Variants in TNKS observed in about 807,000 individuals in gnomAD.
TNKS encodes the protein tankyrase.
In TNKS, 72 loss-of-function variants were observed where a neutral mutation model predicts 135.8. That is an observed-to-expected ratio of 0.53 (90% CI 0.44 to 0.64). TNKS has a LOEUF of 0.64. Among genes scored for constraint, TNKS ranks in the 30% least tolerant of loss-of-function variants. The pLI is 0.00. For synonymous variants in TNKS, 849 were observed against 649.3 expected (o/e 1.31, Z -4.68); for missense variants, 1,769 against 1,674.0 (o/e 1.06, Z -0.99).
chr8:9,664,786 T>C (rs867059573), intron 3 of TNKS, among the ~76,000 whole-genome samples: 22 of 152,222 alleles, frequency 1.4e-4, no homozygotes, highest in South Asian at 8.3e-4. Flanking sequence ...CAACTGTTAA[T>C]AAAAGTCACA....
At chr8:9,712,574 G>T (rs950941795) in intron 11 of TNKS, among the ~76,000 whole-genome samples, 3 of 152,046 alleles carry the variant, frequency 2.0e-5, no homozygotes, top group Non-Finnish European at 2.9e-5. Context: ...ACAGTCAATG[G>T]ATATTTTCTA....
intron 3 of TNKS, among the ~76,000 whole-genome samples, chr8:9,673,891 A>G (rs964025357): frequency 7.2e-5 from 11 of 152,154 alleles, no homozygotes; most frequent in Admixed American, 5.2e-4. Flanking sequence ...AAAATGTTGT[A>G]ACAAGTCTAT....
In TNKS at chr8:9,730,878, G is replaced by A. The variant is rs1805403047; in HGVS notation, c.2002-12G>A. 1.9e-6 allele frequency: 3 copies of A among 1,609,534 alleles called. No individual in the cohort carries two copies. Among genetic ancestry groups the A allele is most frequent in the Admixed American group, 1.7e-5 (1 of 59,380 alleles). On this transcript the variant is annotated splice_polypyrimidine_tract_variant and intron_variant, in intron 13 of 26. Transcript: ENST00000310430. The stretch of plus-strand genomic sequence containing the variant: ...TCGTTTTGTGTTTGTCTTTGTGTGT[G>A]CACCACGAAAGCAACTTTGCAGCTC...
chr8:9,669,560 A>G (rs1802175003), intron 3 of TNKS, among the ~76,000 whole-genome samples: 1 of 152,224 alleles, frequency 6.6e-6, no homozygotes, highest in Non-Finnish European at 1.5e-5. Context: ...ATATCTGTAA[A>G]TGAGTGGTAA....
rs1048147825 is a variant in TNKS at position 9,748,154 on chromosome 8, A to G, written c.2774A>G (p.His925Arg). Residue 925 changes from histidine to arginine, a missense_variant, in exon 18 of 27, where the codon CAT (histidine) becomes CGT (arginine). Coordinates refer to ENST00000310430, the MANE Select transcript of TNKS (RefSeq NM_003747.3). Reference sequence around the variant, plus strand: ...CAGCTGTGCGCCCTCCTCCTAGCGCATGGTGCAGACCCCACCATGAAGAAC... The same window carrying G: ...CAGCTGTGCGCCCTCCTCCTAGCGCGTGGTGCAGACCCCACCATGAAGAAC... ...RTQLCALLLA[H>R]GADPTMKNQE... 6.2e-7 allele frequency: 1 copy of G among 1,614,126 alleles called. No homozygotes were observed. The highest frequency in any genetic ancestry group is 8.5e-7 in the Non-Finnish European group (1 of 1,180,004).
intron 3 of TNKS, among the ~76,000 whole-genome samples, chr8:9,656,422 C>G (rs1231389592): frequency 6.6e-6 from 1 of 151,998 alleles, no homozygotes; most frequent in Non-Finnish European, 1.5e-5. Flanking sequence ...AAGAGCAACT[C>G]CAAGACACCT....
chr8:9,652,962 G>C (rs1801199758), intron 3 of TNKS, among the ~76,000 whole-genome samples: 1 of 152,182 alleles, frequency 6.6e-6, no homozygotes, highest in African/African-American at 2.4e-5. Context: ...TCTAGCCCTA[G>C]AGGTTATCCT....
At chr8:9,584,100 C>G (rs1025896359) in intron 2 of TNKS, among the ~76,000 whole-genome samples, 2 of 144,190 alleles carry the variant, frequency 1.4e-5, no homozygotes, top group Non-Finnish European at 3.0e-5. Context: ...GGATGGGGAG[C>G]TTGCAGTGAG....
chr8:9,753,577 A>T (rs147548708), intron 20 of TNKS, among the ~76,000 whole-genome samples: 3 of 152,312 alleles, frequency 2.0e-5, no homozygotes, highest in Admixed American at 6.5e-5. Context: ...TGCTTTCATT[A>T]TTATGATCAG....
intron 2 of TNKS, among the ~76,000 whole-genome samples, chr8:9,610,421 A>G (rs1799415354): frequency 6.6e-6 from 1 of 151,758 alleles, no homozygotes; most frequent in African/African-American, 2.4e-5. Context: ...CCATTTTAAT[A>G]TACATGTTTG....
chr8:9,698,774 T>G (rs1803652086), intron 5 of TNKS, among the ~76,000 whole-genome samples: 1 of 152,320 alleles, frequency 6.6e-6, no homozygotes, highest in Admixed American at 6.5e-5. Context: ...TAAAACTACC[T>G]TAAATGCTTT....
chr8:9,776,608 C>T, intron 26 of TNKS, 42 bp from the exon 27 acceptor site: 1 of 1,575,574 alleles, frequency 6.3e-7, no homozygotes, highest in Non-Finnish European at 8.7e-7. Flanking sequence ...TAATATTGTG[C>T]CTACTAGAAG....
chr8:9,719,518 G>T (rs1209541959), intron 11 of TNKS, among the ~76,000 whole-genome samples: 1 of 152,196 alleles, frequency 6.6e-6, no homozygotes, highest in African/African-American at 2.4e-5. Context: ...TGACATAGAT[G>T]TTCAGAAAAG....
At chr8:9,773,287 TTAAA>T (rs759727633) in intron 26 of TNKS, among the ~76,000 whole-genome samples, 20 of 151,974 alleles carry the variant, frequency 1.3e-4, no homozygotes, top group Non-Finnish European at 2.1e-4. Flanking sequence ...AGCAGAATTG[TTAAA>T]TAAACATATT....
intron 3 of TNKS, among the ~76,000 whole-genome samples, chr8:9,667,570 T>G (rs1382721772): frequency 6.6e-6 from 1 of 152,248 alleles, no homozygotes; most frequent in African/African-American, 2.4e-5. Context: ...ATGTCAGAAC[T>G]GTCTTGTCTT....
chr8:9,777,009 T>C lies in TNKS; in HGVS notation c.*273T>C, dbSNP rs944886680. 4.4e-5 allele frequency: 18 copies of C among 408,460 alleles called. No individual in the cohort carries two copies. Among genetic ancestry groups the C allele is most frequent in the Non-Finnish European group, 4.9e-5 (11 of 225,788 alleles). The allele number at this position is 408,460 out of a possible 1,614,324, so 25.3% of individuals were successfully genotyped here. On this transcript the variant is annotated 3_prime_UTR_variant, in exon 27 of 27. Coordinates refer to ENST00000310430, the MANE Select transcript of TNKS (RefSeq NM_003747.3). ...GCAATTATCCATTTCTAAAACAAGA[T>C]TGCTTCGATCTAGACTTGGAAATGG... is the stretch of plus-strand genomic sequence containing the variant.
At chr8:9,643,934 C>G (rs1800815688) in intron 3 of TNKS, among the ~76,000 whole-genome samples, 1 of 152,156 alleles carries the variant, frequency 6.6e-6, no homozygotes, top group Admixed American at 6.5e-5. Context: ...GAGTATTAAT[C>G]AGCCTTAAAC....
intron 1 of TNKS, among the ~76,000 whole-genome samples, chr8:9,569,845 A>G (rs1797691956): frequency 6.6e-6 from 1 of 152,016 alleles, no homozygotes; most frequent in African/African-American, 2.4e-5. Flanking sequence ...GTCATTGTGA[A>G]TATTTTCCTG....
At chr8:9,677,467 T>G (rs1266181033) in intron 3 of TNKS, among the ~76,000 whole-genome samples, 2 of 152,304 alleles carry the variant, frequency 1.3e-5, no homozygotes, top group Non-Finnish European at 2.9e-5. Flanking sequence ...CCACTCTTAT[T>G]GGAGTCATGT....
Sources: allele counts gnomAD v4.1 joint callset (sites outside exome capture counted in the v4.1 genomes callset), GRCh38; gene constraint gnomAD v4.1.1; transcripts MANE v1.5; gene names NCBI Gene and HGNC (gene_info 2026-07-23, HGNC 2026-07-21).